Variants in LUZP2 observed in about 807,000 individuals in gnomAD.
LUZP2 encodes leucine zipper protein 2.
In LUZP2, 52 loss-of-function variants were observed where a neutral mutation model predicts 51.6. The observed-to-expected ratio is 1.01, with a 90% CI of 0.81 to 1.27. LUZP2 has a LOEUF of 1.27. LUZP2 is among the 50% of genes most tolerant of loss of function. The probability of loss-of-function intolerance (pLI) is 0.00; values close to 1 mark genes in which losing one functional copy is unlikely to be tolerated. For synonymous variants in LUZP2, 154 were observed against 137.3 expected (o/e 1.12, Z -0.85); for missense variants, 436 against 395.4 (o/e 1.10, Z -0.87).
intron 7 of LUZP2, among the ~76,000 whole-genome samples, chr11:24,945,820 T>C (rs929960410): frequency 6.7e-6 from 1 of 150,024 alleles, no homozygotes; most frequent in East Asian, 1.9e-4. Flanking sequence ...TATTGAGATA[T>C]ACTTATATAA....
At chr11:24,624,699 T>A (rs546128202) in intron 1 of LUZP2, among the ~76,000 whole-genome samples, 1 of 152,196 alleles carries the variant, frequency 6.6e-6, no homozygotes, top group South Asian at 2.1e-4. Context: ...AAGGCATACC[T>A]GCACTTTTAT....
At chr11:24,741,565 C>A (rs1042766780) in intron 4 of LUZP2, among the ~76,000 whole-genome samples, 1 of 151,354 alleles carries the variant, frequency 6.6e-6, no homozygotes, top group African/African-American at 2.4e-5. Flanking sequence ...CCTTGCCCCC[C>A]AGTCACACTT....
intron 6 of LUZP2, among the ~76,000 whole-genome samples, chr11:24,906,434 G>A (rs879377351): frequency 6.6e-6 from 1 of 151,880 alleles, no homozygotes; most frequent in Non-Finnish European, 1.5e-5. Flanking sequence ...GCAAGTGACT[G>A]TCAGAGTGAA....
At chr11:24,958,852 G>A (rs1013509588) in intron 7 of LUZP2, among the ~76,000 whole-genome samples, 63 of 152,140 alleles carry the variant, frequency 4.1e-4, no homozygotes, top group Admixed American at 7.9e-4. Flanking sequence ...GAATGGTAAT[G>A]ACTTGGTTTT....
At chr11:25,016,516 G>C (rs1857161706) in intron 9 of LUZP2, among the ~76,000 whole-genome samples, 1 of 151,562 alleles carries the variant, frequency 6.6e-6, no homozygotes, top group South Asian at 2.1e-4. Flanking sequence ...GTATTCCATG[G>C]TATATATACA....
intron 7 of LUZP2, among the ~76,000 whole-genome samples, chr11:24,943,877 C>CA (rs33998362): frequency 4.8e-3 from 492 of 103,244 alleles, no homozygotes; most frequent in South Asian, 6.6e-3. Flanking sequence ...GACTCCATCT[C>CA]AAAAAAAAAA....
At chr11:24,631,143 T>C (rs143568464) in intron 1 of LUZP2, among the ~76,000 whole-genome samples, 1 of 152,100 alleles carries the variant, frequency 6.6e-6, no homozygotes, top group African/African-American at 2.4e-5. Flanking sequence ...TCAGGAAATA[T>C]TGATAATTTG....
chr11:24,950,824 C>G (rs1855053966), intron 7 of LUZP2, among the ~76,000 whole-genome samples: 1 of 151,454 alleles, frequency 6.6e-6, no homozygotes, highest in South Asian at 2.1e-4. Context: ...AAGGAAATCT[C>G]AGTGAGGAAT....
chr11:24,711,269 GA>G, intron 1 of LUZP2, among the ~76,000 whole-genome samples: 1 of 136,000 alleles, frequency 7.4e-6, no homozygotes, highest in African/African-American at 2.6e-5. Context: ...CTAACACGGT[GA>G]AACCCCCGTC....
At chr11:25,022,021 G>A (rs563610483) in intron 9 of LUZP2, among the ~76,000 whole-genome samples, 26 of 151,960 alleles carry the variant, frequency 1.7e-4, no homozygotes, top group Non-Finnish European at 3.8e-4. Flanking sequence ...ATTAAGGTTA[G>A]AAATGTTTTT....
intron 1 of LUZP2, among the ~76,000 whole-genome samples, chr11:24,505,689 A>C (rs1262616573): frequency 6.6e-6 from 1 of 152,148 alleles, no homozygotes; most frequent in Non-Finnish European, 1.5e-5. Context: ...ACAAACTAAA[A>C]AAACAAATAA....
intron 5 of LUZP2, among the ~76,000 whole-genome samples, chr11:24,882,023 C>T (rs1409725299): frequency 6.6e-6 from 1 of 151,932 alleles, no homozygotes; most frequent in Non-Finnish European, 1.5e-5. Flanking sequence ...AGCTATGAAT[C>T]TGCTCTTTTA....
intron 1 of LUZP2, among the ~76,000 whole-genome samples, chr11:24,680,928 G>C (rs759336915): frequency 1.3e-5 from 2 of 151,634 alleles, no homozygotes; most frequent in Non-Finnish European, 2.9e-5. Context: ...AAAAATAAAG[G>C]AGCTGAACTT....
At chr11:24,930,172 G>A (rs1357183310) in intron 7 of LUZP2, among the ~76,000 whole-genome samples, 1 of 152,120 alleles carries the variant, frequency 6.6e-6, no homozygotes, top group African/African-American at 2.4e-5. Flanking sequence ...GTTGGTGAAT[G>A]TTTGTGCATT....
chr11:24,618,816 T>C (rs956507105), intron 1 of LUZP2, among the ~76,000 whole-genome samples: 8 of 152,094 alleles, frequency 5.3e-5, no homozygotes, highest in African/African-American at 1.9e-4. Flanking sequence ...TCTATGCCAA[T>C]GTTTTGGAAA....
chr11:24,641,320 T>C (rs1855274414), intron 1 of LUZP2, among the ~76,000 whole-genome samples: 1 of 151,888 alleles, frequency 6.6e-6, no homozygotes, highest in Admixed American at 6.5e-5. Flanking sequence ...CAACTTGCAG[T>C]TGATATTTTT....
chr11:24,596,943 G>C (rs1210465735), intron 1 of LUZP2, among the ~76,000 whole-genome samples: 1 of 152,218 alleles, frequency 6.6e-6, no homozygotes, highest in African/African-American at 2.4e-5. Flanking sequence ...GTCAAAATAT[G>C]AAGAGGTTAT....
rs148458124 is a variant in LUZP2 at position 24,618,929 on chromosome 11, A to T, written c.63-110240A>T. Among the ~76,000 whole-genome samples, 1,319 of 152,218 alleles carry T rather than the reference A, an allele frequency of 8.7e-3. 18 individuals carry two copies. Among genetic ancestry groups the T allele is most frequent in the African/African-American group, 0.028 (1,184 of 41,552 alleles). On this transcript the variant is annotated intron_variant, in intron 1 of 11. Transcript: ENST00000336930. ...AAATTTCTCTGTGAAACTTGCCATC[A>T]TGCTTCAGCTAGAAGTTTTCACTAT...
At position 24,868,506 on chromosome 11, in the gene LUZP2, C is replaced by T. The variant is rs561224500; in HGVS notation, c.397-37485C>T. ...GATGTGCACTACATGTGTTAATAAA[C>T]TTGCTTGCTTTTCTCTTGTTAATCT... On this transcript the variant is annotated intron_variant, in intron 5 of 11. Transcript: ENST00000336930. Among the ~76,000 whole-genome samples, 3 of 152,272 alleles carry T rather than the reference C, an allele frequency of 2.0e-5. No homozygotes were observed. In the East Asian group the frequency reaches 5.8e-4, roughly 29 times the overall value.
Sources: gnomAD v4.1 joint callset for allele counts (sites outside exome capture counted in the v4.1 genomes callset) on GRCh38, gnomAD v4.1.1 for gene constraint, MANE v1.5 for transcripts, NCBI Gene and HGNC (gene_info 2026-07-23, HGNC 2026-07-21) for gene names.